FIBCD1: variants seen among roughly 807,000 people sequenced by gnomAD.
FIBCD1 encodes fibrinogen C domain containing 1.
FIBCD1 carries 47 observed loss-of-function variants against 45.1 expected under a neutral mutation model. The ratio of observed to expected loss-of-function variants is 1.04; its 90% CI spans 0.82 to 1.33. The LOEUF (loss-of-function observed/expected upper bound fraction) is 1.33. FIBCD1 is among the 40% of genes most tolerant of loss of function. The pLI is 0.00. For synonymous variants in FIBCD1, 313 were observed against 308.1 expected (o/e 1.02, Z -0.17); for missense variants, 653 against 682.2 (o/e 0.96, Z 0.48).
intron 5 of FIBCD1, among the ~76,000 whole-genome samples, chr9:130,911,126 T>C (rs1832031103): frequency 6.6e-6 from 1 of 152,158 alleles, no homozygotes; most frequent in Admixed American, 6.5e-5. Context: ...CTTTCACTCT[T>C]TGGGTCCACG....
At chr9:130,923,719 C>G (rs573738287) in intron 4 of FIBCD1, 25 bp downstream of exon 4, 2 of 1,608,860 alleles carry the variant, frequency 1.2e-6, no homozygotes, top group Admixed American at 1.7e-5. Flanking sequence ...CCTGCCCTGC[C>G]GCCCGCCCAG....
intron 2 of FIBCD1, among the ~76,000 whole-genome samples, chr9:130,925,592 C>T (rs1298458111): frequency 1.3e-5 from 2 of 152,182 alleles, no homozygotes; most frequent in African/African-American, 4.8e-5. Flanking sequence ...CTGGGGAGCT[C>T]AGCCGTTGTT....
At position 130,929,777 on chromosome 9, in the gene FIBCD1, C is replaced by T. The variant is rs991151691; in HGVS notation, c.342G>A (p.Ser114=). Residue 114 remains serine (S), a synonymous_variant, in exon 2 of 7, where the codon TCG becomes TCA. Transcript: ENST00000372338. ...SFARLESAQA[S]VLQALTEHQA... is the part of the protein sequence containing the mutation. Reference sequence around the variant, plus strand: ...GGTGCTCTGTCAGCGCCTGCAGCACCGAGGCCTGGGCGCTCTCCAGGCGTG... The same window carrying T: ...GGTGCTCTGTCAGCGCCTGCAGCACTGAGGCCTGGGCGCTCTCCAGGCGTG... 3.7e-5 allele frequency: 58 copies of T among 1,556,904 alleles called. No homozygotes were observed. The highest frequency in any genetic ancestry group is 7.3e-5 in the East Asian group (3 of 41,320).
At chr9:130,923,686 A>G in intron 4 of FIBCD1, 58 bp downstream of exon 4, 1 of 1,590,934 alleles carries the variant, frequency 6.3e-7, no homozygotes, top group Non-Finnish European at 8.5e-7. Context: ...GGGTTCAGGT[A>G]CACAGCCTCA....
chr9:130,917,251 G>A (rs553198751), intron 4 of FIBCD1, among the ~76,000 whole-genome samples: 8 of 152,366 alleles, frequency 5.3e-5, no homozygotes, highest in Admixed American at 3.3e-4. Flanking sequence ...AACACTCGCC[G>A]CAGCCGCAGC....
intron 4 of FIBCD1, among the ~76,000 whole-genome samples, chr9:130,920,421 C>T (rs1444508211): frequency 3.9e-5 from 6 of 152,134 alleles, no homozygotes; most frequent in Non-Finnish European, 5.9e-5. Flanking sequence ...ATCTGCAGAG[C>T]GGCTCTATAT....
At position 130,921,144 on chromosome 9, in the gene FIBCD1, C is replaced by T. The variant is rs146170543; in HGVS notation, c.849+2600G>A. 4.2e-3 allele frequency among the ~76,000 whole-genome samples: 644 copies of T among 152,324 alleles called. 1 individual carries two copies. The highest frequency in any genetic ancestry group is 0.01 in the Middle Eastern group (3 of 294). ...AGTTGCACCCTTGCCCACACAGGTC[C>T]CTCCGGGAAGCAGGCTCTGGTGAGA... On this transcript the variant is annotated intron_variant, in intron 4 of 6. Coordinates refer to ENST00000372338, the MANE Select transcript of FIBCD1 (RefSeq NM_032843.5).
upstream of FIBCD1, among the ~76,000 whole-genome samples, chr9:130,940,331 C>T (rs1045802730): frequency 6.6e-6 from 1 of 152,264 alleles, no homozygotes; most frequent in African/African-American, 2.4e-5. Context: ...CCGCCTTTTC[C>T]TTCCAGGACA....
intron 4 of FIBCD1, among the ~76,000 whole-genome samples, chr9:130,914,652 A>G (rs1488712566): frequency 6.6e-6 from 1 of 152,196 alleles, no homozygotes; most frequent in Admixed American, 6.5e-5. Context: ...ACCATCCAGA[A>G]TGAGAGCAAG....
At chr9:130,930,255 C>G (rs569584060) in intron 1 of FIBCD1, among the ~76,000 whole-genome samples, 69 of 152,242 alleles carry the variant, frequency 4.5e-4, no homozygotes, top group Non-Finnish European at 7.5e-4. Context: ...GAGAGGGACA[C>G]AGTGAGCGCC....
intron 4 of FIBCD1, among the ~76,000 whole-genome samples, chr9:130,913,714 C>T (rs1029855956): frequency 5.9e-5 from 9 of 152,158 alleles, no homozygotes; most frequent in East Asian, 3.9e-4. Flanking sequence ...ACCCTGAGCA[C>T]GCACCTTTTC....
intron 4 of FIBCD1, among the ~76,000 whole-genome samples, chr9:130,917,224 G>C (rs1832178344): frequency 6.6e-6 from 1 of 152,248 alleles, no homozygotes; most frequent in Non-Finnish European, 1.5e-5. Context: ...GTCCCGGCTG[G>C]AAAACGATTG....
chr9:130,932,885 C>T (rs1032724082), intron 1 of FIBCD1, among the ~76,000 whole-genome samples: 2 of 152,208 alleles, frequency 1.3e-5, no homozygotes, highest in Non-Finnish European at 2.9e-5. Context: ...TTCTGGAGCC[C>T]GTCGGGAGAC....
intron 4 of FIBCD1, among the ~76,000 whole-genome samples, chr9:130,915,614 A>C (rs1251615442): frequency 1.3e-5 from 2 of 152,172 alleles, no homozygotes; most frequent in African/African-American, 4.8e-5. Context: ...GAGGCAGGAT[A>C]ATCACTTGAA....
chr9:130,934,801 A>G (rs1375297929), intron 1 of FIBCD1, among the ~76,000 whole-genome samples: 1 of 151,586 alleles, frequency 6.6e-6, no homozygotes, highest in African/African-American at 2.4e-5. Flanking sequence ...TCCCTCCCTC[A>G]CCCAACATCT....
chr9:130,915,858 A>C (rs1449575958), intron 4 of FIBCD1, among the ~76,000 whole-genome samples: 1 of 152,218 alleles, frequency 6.6e-6, no homozygotes, highest in African/African-American at 2.4e-5. Flanking sequence ...TCCCAGAGAG[A>C]TGCAGCCGAC....
chr9:130,932,288 G>A (rs1832455137), intron 1 of FIBCD1, among the ~76,000 whole-genome samples: 1 of 152,238 alleles, frequency 6.6e-6, no homozygotes, highest in Non-Finnish European at 1.5e-5. Flanking sequence ...AGGACGGGGT[G>A]GAGGGGACAT....
Position 130,924,300 on chromosome 9 carries a change from G to A in FIBCD1, c.649C>T (p.Arg217Cys), listed in dbSNP as rs751802778. Residue 217 changes from arginine to cysteine, a missense_variant, in exon 3 of 7, where the codon CGC becomes TGC. Physicochemically the swap from Arg to Cys is radical, Grantham distance 180. Transcript: ENST00000372338. ...LQRDRGLGRP[R>C]NKADLQRAPA... is the part of the protein sequence containing the mutation. ...GCTCTCTGAAGGTCGGCCTTGTTGC[G>A]GGGCCGGCCCAGCCCCCGGTCCCTC... 15 of 1,604,106 alleles carry A rather than the reference G, an allele frequency of 9.4e-6. No homozygotes were observed. Among genetic ancestry groups the A allele is most frequent in the South Asian group, 7.9e-5 (7 of 88,976 alleles).
At position 130,912,429 on chromosome 9, in the gene FIBCD1, G is replaced by T. The variant is rs895290750; in HGVS notation, c.850-541C>A. On this transcript the variant is annotated intron_variant, in intron 4 of 6. Transcript: ENST00000372338. ...AAAAAAAAAAAAAGTGGGGTGGGCC[G>T]GGCACGGTGACTCCCGCCTGTAATC... 7.4e-5 allele frequency among the ~76,000 whole-genome samples: 11 copies of T among 149,578 alleles called. No homozygotes were observed. In the East Asian group the frequency reaches 2.2e-3, roughly 30 times the overall value.
Sources: gnomAD v4.1 joint callset for allele counts (sites outside exome capture counted in the v4.1 genomes callset) on GRCh38, gnomAD v4.1.1 for gene constraint, MANE v1.5 for transcripts, NCBI Gene and HGNC (gene_info 2026-07-23, HGNC 2026-07-21) for gene names.